The following GPC6 variants were observed in gnomAD, a reference collection of about 807,000 sequenced individuals.
The protein encoded by GPC6 is glypican-6.
Under a neutral mutation model 55.2 loss-of-function variants are expected in GPC6, and 14 were observed. The observed-to-expected ratio is 0.25, with a 90% confidence interval of 0.17 to 0.40. GPC6 has a LOEUF of 0.40. Among genes scored for constraint, GPC6 ranks in the 10% least tolerant of loss-of-function variants. The pLI is 1.00. For synonymous variants in GPC6, 278 were observed against 259.6 expected (o/e 1.07, Z -0.68); for missense variants, 641 against 708.5 (o/e 0.90, Z 1.08).
At chr13:93,856,391 C>A (rs1191676705) in intron 3 of GPC6, among the ~76,000 whole-genome samples, 1 of 151,476 alleles carries the variant, frequency 6.6e-6, no homozygotes, top group East Asian at 2.0e-4. Flanking sequence ...GAGCACTTAC[C>A]TTGTTTCAGG....
intron 1 of GPC6, among the ~76,000 whole-genome samples, chr13:93,239,587 T>C (rs1876359368): frequency 6.6e-6 from 1 of 151,982 alleles, no homozygotes; most frequent in Non-Finnish European, 1.5e-5. Context: ...AGAACCAACT[T>C]TTCATTTCAT....
chr13:93,521,581 T>G (rs1363735872), intron 1 of GPC6, among the ~76,000 whole-genome samples: 2 of 151,978 alleles, frequency 1.3e-5, no homozygotes. Context: ...CCTGCCTTAT[T>G]TCTGAAGGAG....
intron 1 of GPC6, among the ~76,000 whole-genome samples, chr13:93,388,841 C>T (rs1371277495): frequency 1.3e-5 from 2 of 152,134 alleles, no homozygotes; most frequent in Admixed American, 1.3e-4. Context: ...ACTTCTATTT[C>T]CCTGGCATCT....
intron 1 of GPC6, among the ~76,000 whole-genome samples, chr13:93,496,755 A>T: frequency 6.6e-6 from 1 of 152,106 alleles, no homozygotes; most frequent in East Asian, 1.9e-4. Context: ...ATCTGTAAAA[A>T]CTGTGGTAAT....
intron 4 of GPC6, among the ~76,000 whole-genome samples, chr13:94,138,632 C>T (rs1887266138): frequency 6.6e-6 from 1 of 152,176 alleles, no homozygotes. Context: ...GATAGTAAAG[C>T]TCATCTGCCA....
At chr13:93,742,617 A>T (rs1421769387) in intron 2 of GPC6, among the ~76,000 whole-genome samples, 2 of 152,216 alleles carry the variant, frequency 1.3e-5, no homozygotes, top group Non-Finnish European at 2.9e-5. Flanking sequence ...GGGGATATCA[A>T]TGGAGAGGCT....
intron 2 of GPC6, among the ~76,000 whole-genome samples, chr13:93,756,544 G>C (rs2138870100): frequency 6.6e-6 from 1 of 152,246 alleles, no homozygotes; most frequent in Non-Finnish European, 1.5e-5. Flanking sequence ...CTCTATTTGT[G>C]TGCCTGCTGG....
intron 5 of GPC6, among the ~76,000 whole-genome samples, chr13:94,287,353 A>G (rs544701122): frequency 1.3e-5 from 2 of 152,220 alleles, no homozygotes; most frequent in Admixed American, 6.5e-5. Flanking sequence ...AAAGAGTTGC[A>G]TGATTAGCTT....
intron 4 of GPC6, among the ~76,000 whole-genome samples, chr13:94,196,177 C>A (rs1043656776): frequency 1.3e-5 from 2 of 150,892 alleles, no homozygotes; most frequent in African/African-American, 4.9e-5. Context: ...ACTTGAATAA[C>A]CTTTTCAGTT....
At chr13:94,132,269 G>C (rs1166462129) in intron 4 of GPC6, among the ~76,000 whole-genome samples, 2 of 152,146 alleles carry the variant, frequency 1.3e-5, no homozygotes, top group African/African-American at 2.4e-5. Flanking sequence ...ATTTGGTACA[G>C]GATCAGTGTA....
intron 4 of GPC6, among the ~76,000 whole-genome samples, chr13:94,225,668 C>CATAT (rs1355465459): frequency 1.8e-4 from 18 of 97,540 alleles, no homozygotes; most frequent in African/African-American, 5.7e-4. Flanking sequence ...GTAAAGTATA[C>CATAT]ACATATATAT....
intron 3 of GPC6, among the ~76,000 whole-genome samples, chr13:93,990,049 A>G (rs1346008625): frequency 1.3e-5 from 2 of 151,776 alleles, no homozygotes; most frequent in Middle Eastern, 3.4e-3. Context: ...ATGAATTTTT[A>G]TATCATGGAA....
intron 4 of GPC6, among the ~76,000 whole-genome samples, chr13:94,083,410 A>T (rs148255893): frequency 1.3e-5 from 2 of 151,882 alleles, no homozygotes; most frequent in South Asian, 2.1e-4. Flanking sequence ...GAGCCACTGC[A>T]CCCGGCCAGG....
At chr13:93,668,821 T>A (rs191390681) in intron 2 of GPC6, among the ~76,000 whole-genome samples, 244 of 152,284 alleles carry the variant, frequency 1.6e-3, no homozygotes, top group Non-Finnish European at 2.9e-3. Context: ...TTCATGATAG[T>A]TTGACATGGC....
At chr13:94,262,207 T>C (rs146496516) in intron 4 of GPC6, among the ~76,000 whole-genome samples, 3 of 152,086 alleles carry the variant, frequency 2.0e-5, no homozygotes, top group Admixed American at 6.5e-5. Flanking sequence ...TGGAAGTATA[T>C]GACATTTGGA....
rs190050742 is a variant in GPC6, at chr13:93,782,567, C to G, written c.320-47587C>G. Among the ~76,000 whole-genome samples, 224 of 152,146 alleles carry G rather than the reference C, an allele frequency of 1.5e-3. 1 individual carries two copies. Among genetic ancestry groups the G allele is most frequent in the Middle Eastern group, 6.8e-3 (2 of 294 alleles). ...TCCCACCCAACATGTATAAGAATTC[C>G]TTTTTCTCCACATTTTTACCAACAT... On this transcript the variant is annotated intron_variant, in intron 2 of 8. Transcript: ENST00000377047.
At chr13:93,767,546 T>A (rs960134008) in intron 2 of GPC6, among the ~76,000 whole-genome samples, 1 of 152,144 alleles carries the variant, frequency 6.6e-6, no homozygotes, top group African/African-American at 2.4e-5. Flanking sequence ...ATAACCCCAT[T>A]TTAGTTTGTG....
chr13:94,324,198 A>G (rs1428466810), intron 6 of GPC6, among the ~76,000 whole-genome samples: 1 of 150,030 alleles, frequency 6.7e-6, no homozygotes, highest in Admixed American at 6.6e-5. Flanking sequence ...ACCTAGAGGA[A>G]TGATGGCACA....
intron 4 of GPC6, among the ~76,000 whole-genome samples, chr13:94,113,310 T>C (rs2138842421): frequency 6.6e-6 from 1 of 152,254 alleles, no homozygotes; most frequent in East Asian, 1.9e-4. Flanking sequence ...CTTGAGTTTT[T>C]ATTTTTAAAT....
Sources: allele counts gnomAD v4.1 joint callset (sites outside exome capture counted in the v4.1 genomes callset), GRCh38; gene constraint gnomAD v4.1.1; transcripts MANE v1.5; gene names NCBI Gene and HGNC (gene_info 2026-07-23, HGNC 2026-07-21).